Variants in CADM2 observed in about 807,000 individuals in gnomAD.
The protein encoded by CADM2 is immunoglobulin superfamily member 4D.
In CADM2, 12 loss-of-function variants were observed where a neutral mutation model predicts 49.8. That is an observed-to-expected ratio of 0.24 (90% CI 0.15 to 0.39). CADM2 has a LOEUF of 0.39. CADM2 is among the 10% of genes least tolerant of loss of function. CADM2 has a pLI of 1.00. For missense variants in CADM2, 378 were observed against 492.3 expected (o/e 0.77, Z 2.20); for synonymous variants, 214 against 175.4 (o/e 1.22, Z -1.74).
At chr3:85,849,232 C>A (rs1332970712) in intron 3 of CADM2, among the ~76,000 whole-genome samples, 3 of 152,180 alleles carry the variant, frequency 2.0e-5, no homozygotes, top group Non-Finnish European at 4.4e-5. Context: ...TGATTACTGT[C>A]AGTCTTAGTA....
At chr3:85,202,010 G>A (rs1182521493) in intron 1 of CADM2, among the ~76,000 whole-genome samples, 1 of 150,080 alleles carries the variant, frequency 6.7e-6, no homozygotes, top group African/African-American at 2.5e-5. Context: ...AACCAGGGAG[G>A]AGGAGGTTGC....
At chr3:85,840,273 A>G (rs1348549993) in intron 3 of CADM2, among the ~76,000 whole-genome samples, 1 of 151,822 alleles carries the variant, frequency 6.6e-6, no homozygotes, top group Non-Finnish European at 1.5e-5. Flanking sequence ...TTTTTGAACC[A>G]TGTTTCTGTT....
At position 85,723,471 on chromosome 3, in the gene CADM2, C is replaced by T. The variant is rs184162036; in HGVS notation, c.62-3051C>T. ...TGAACATGACATTCATGACAGTATTCCTGTCATCTTGGCTTCTTTTATTGA... is the reference window on the plus strand; with the variant it reads ...TGAACATGACATTCATGACAGTATTTCTGTCATCTTGGCTTCTTTTATTGA... On this transcript the variant is annotated intron_variant, in intron 1 of 9. Transcript: ENST00000383699. Among the ~76,000 whole-genome samples the T allele has an allele frequency of 1.9e-3, 290 of 152,150 alleles. 1 individual carries two copies. Among genetic ancestry groups the T allele is most frequent in the Non-Finnish European group, 1.7e-3 (113 of 67,956 alleles).
chr3:85,188,292 T>C (rs1228461346), intron 1 of CADM2, among the ~76,000 whole-genome samples: 5 of 152,102 alleles, frequency 3.3e-5, no homozygotes, highest in African/African-American at 1.2e-4. Context: ...ATTTGAAAGA[T>C]ACAAGATAAG....
intron 3 of CADM2, among the ~76,000 whole-genome samples, chr3:85,812,961 CG>C (rs1368880717): frequency 1.3e-5 from 2 of 151,934 alleles, no homozygotes; most frequent in Non-Finnish European, 2.9e-5. Flanking sequence ...GATGGACATT[CG>C]GGTTGGTTCC....
intron 1 of CADM2, among the ~76,000 whole-genome samples, chr3:85,299,450 C>A (rs1468851235): frequency 6.6e-6 from 1 of 152,026 alleles, no homozygotes; most frequent in African/African-American, 2.4e-5. Flanking sequence ...GCTTCCTAAT[C>A]TGTGGGGTTA....
At chr3:85,249,933 A>T (rs1038517756) in intron 1 of CADM2, among the ~76,000 whole-genome samples, 1 of 151,854 alleles carries the variant, frequency 6.6e-6, no homozygotes, top group South Asian at 2.1e-4. Flanking sequence ...GATAATTGTT[A>T]AATTTCTAAT....
At chr3:85,471,180 C>A (rs905456007) in intron 1 of CADM2, among the ~76,000 whole-genome samples, 1 of 152,066 alleles carries the variant, frequency 6.6e-6, no homozygotes, top group Non-Finnish European at 1.5e-5. Context: ...AGTTTCGCGT[C>A]ATCACTCAGG....
intron 1 of CADM2, among the ~76,000 whole-genome samples, chr3:85,556,563 C>T (rs1195906874): frequency 3.9e-5 from 6 of 152,126 alleles, no homozygotes; most frequent in Non-Finnish European, 8.8e-5. Context: ...ATGCAATTTG[C>T]AATGACAGCA....
At chr3:86,031,467 A>G (rs1734552434) in intron 8 of CADM2, among the ~76,000 whole-genome samples, 1 of 151,872 alleles carries the variant, frequency 6.6e-6, no homozygotes, top group Non-Finnish European at 1.5e-5. Context: ...AATTTCAACC[A>G]GTAGTTTCAA....
intron 2 of CADM2, among the ~76,000 whole-genome samples, chr3:85,796,198 C>T (rs1435427460): frequency 6.6e-6 from 1 of 152,122 alleles, no homozygotes; most frequent in African/African-American, 2.4e-5. Context: ...AAGAATAACT[C>T]CCTGATTGCT....
At chr3:85,996,561 C>A (rs1419127749) in intron 8 of CADM2, among the ~76,000 whole-genome samples, 1 of 151,988 alleles carries the variant, frequency 6.6e-6, no homozygotes, top group African/African-American at 2.4e-5. Context: ...TTAAGAAAAA[C>A]AATACGTATA....
chr3:85,440,579 G>A (rs1227696266), intron 1 of CADM2, among the ~76,000 whole-genome samples: 1 of 152,020 alleles, frequency 6.6e-6, no homozygotes, highest in African/African-American at 2.4e-5. Context: ...TTTAAATGAC[G>A]GTCTCTAAGA....
intron 1 of CADM2, among the ~76,000 whole-genome samples, chr3:85,487,436 T>A (rs1038440274): frequency 6.6e-6 from 1 of 151,550 alleles, no homozygotes; most frequent in Non-Finnish European, 1.5e-5. Context: ...GAGATTGAGG[T>A]GGAAGGATCA....
At chr3:85,870,246 GA>G (rs897653656) in intron 3 of CADM2, among the ~76,000 whole-genome samples, 25 of 150,044 alleles carry the variant, frequency 1.7e-4, no homozygotes, top group African/African-American at 4.0e-4. Flanking sequence ...TGTTGATGAT[GA>G]TTTTTTTTTT....
intron 6 of CADM2, among the ~76,000 whole-genome samples, chr3:85,932,808 T>C (rs1015835736): frequency 6.6e-6 from 1 of 152,188 alleles, no homozygotes; most frequent in Non-Finnish European, 1.5e-5. Context: ...TTGAATAATT[T>C]TGAAGTCAAA....
chr3:85,485,295 C>T (rs552827414), intron 1 of CADM2, among the ~76,000 whole-genome samples: 6 of 151,764 alleles, frequency 4.0e-5, no homozygotes, highest in African/African-American at 4.8e-5. Flanking sequence ...GATAAAATTG[C>T]GGTTTACTAT....
intron 4 of CADM2, among the ~76,000 whole-genome samples, chr3:85,885,251 A>G (rs1039562178): frequency 9.9e-5 from 15 of 152,028 alleles, no homozygotes; most frequent in African/African-American, 3.6e-4. Flanking sequence ...AATTTTACAA[A>G]TGAGGCCAGG....
chr3:85,177,446 A>G (rs979356772), intron 1 of CADM2, among the ~76,000 whole-genome samples: 1 of 152,096 alleles, frequency 6.6e-6, no homozygotes, highest in Non-Finnish European at 1.5e-5. Flanking sequence ...TTACACTTTT[A>G]TAGCAAACCC....
Sources: allele counts gnomAD v4.1 joint callset (sites outside exome capture counted in the v4.1 genomes callset), GRCh38; gene constraint gnomAD v4.1.1; transcripts MANE v1.5; gene names NCBI Gene and HGNC (gene_info 2026-07-23, HGNC 2026-07-21).